The following SCN8A variants were observed in gnomAD, a reference collection of about 807,000 sequenced individuals.
SCN8A encodes sodium voltage-gated channel alpha subunit 8.
A neutral mutation model predicts 184.1 loss-of-function variants in SCN8A; 30 were observed. The observed-to-expected ratio is 0.16, with a 90% CI of 0.12 to 0.22. SCN8A has a LOEUF of 0.22. Among genes scored for constraint, SCN8A ranks in the 10% least tolerant of loss-of-function variants. The pLI, the probability that SCN8A is intolerant of heterozygous loss-of-function variation, is 1.00. For missense variants in SCN8A, 1,057 were observed against 2,498.9 expected (o/e 0.42, Z 12.30); for synonymous variants, 852 against 907.0 (o/e 0.94, Z 1.09).
At position 51,662,796 on chromosome 12, in the gene SCN8A, G is replaced by A. The variant is rs200853642; in HGVS notation, c.-22G>A. On this transcript the variant is annotated 5_prime_UTR_variant, in exon 2 of 27. Transcript: ENST00000627620. ...CTGTCCTGGACGCAGCATAACTAAC[G>A]AAGCTGCTGCAGGATGAGAAGATGG... 4 of 1,611,180 alleles carry A rather than the reference G, an allele frequency of 2.5e-6. No individual in the cohort carries two copies. In the African/African-American group the frequency reaches 4.0e-5, roughly 16 times the overall value.
At chr12:51,693,328 A>G (rs1442580405) in intron 6 of SCN8A, among the ~76,000 whole-genome samples, 1 of 152,218 alleles carries the variant, frequency 6.6e-6, no homozygotes, top group African/African-American at 2.4e-5. Context: ...AAGTGAAAAA[A>G]CACTAAATGC....
intron 22 of SCN8A, among the ~76,000 whole-genome samples, chr12:51,788,360 C>G (rs1451122650): frequency 7.1e-6 from 1 of 140,354 alleles, no homozygotes; most frequent in African/African-American, 2.7e-5. Flanking sequence ...ATGCTAAGTT[C>G]CAAGCATTTT....
chr12:51,682,797 G>A (rs1425314004), intron 2 of SCN8A, among the ~76,000 whole-genome samples: 4 of 152,056 alleles, frequency 2.6e-5, no homozygotes, highest in Admixed American at 6.5e-5. Flanking sequence ...TTGCAGTCTA[G>A]TAGGCCCTTG....
chr12:51,609,433 A>G (rs777293243), intron 1 of SCN8A, among the ~76,000 whole-genome samples: 1 of 152,118 alleles, frequency 6.6e-6, no homozygotes, highest in East Asian at 1.9e-4. Flanking sequence ...TATTAGGTCT[A>G]TTAGTAATTG....
chr12:51,717,678 A>T (rs1941988503), intron 11 of SCN8A, among the ~76,000 whole-genome samples: 1 of 152,204 alleles, frequency 6.6e-6, no homozygotes, highest in Admixed American at 6.5e-5. Context: ...CACACAGCGT[A>T]TGTGTCCTTT....
chr12:51,681,723 C>T (rs1224395776), intron 2 of SCN8A, among the ~76,000 whole-genome samples: 4 of 152,024 alleles, frequency 2.6e-5, no homozygotes, highest in South Asian at 2.1e-4. Flanking sequence ...GTGTAGTGGG[C>T]GTTTGTAGAA....
chr12:51,719,814 C>T (rs533742687), intron 11 of SCN8A, among the ~76,000 whole-genome samples: 6 of 152,272 alleles, frequency 3.9e-5, no homozygotes, highest in South Asian at 2.1e-4. Context: ...CGGTGGCTCA[C>T]GCCTGTAATC....
At chr12:51,778,461 G>A (rs1038831701) in intron 20 of SCN8A, among the ~76,000 whole-genome samples, 1 of 152,042 alleles carries the variant, frequency 6.6e-6, no homozygotes, top group Non-Finnish European at 1.5e-5. Context: ...ATTTATTTTT[G>A]TATTTTTAGT....
At chr12:51,595,228 A>G (rs1190746334) in intron 1 of SCN8A, among the ~76,000 whole-genome samples, 5 of 152,246 alleles carry the variant, frequency 3.3e-5, no homozygotes, top group African/African-American at 1.2e-4. Context: ...CGAAGGAAAC[A>G]GAACTCTTAC....
chr12:51,782,554 C>A (rs1466624391), intron 21 of SCN8A, among the ~76,000 whole-genome samples: 1 of 152,232 alleles, frequency 6.6e-6, no homozygotes, highest in East Asian at 1.9e-4. Flanking sequence ...TTACGGTGAT[C>A]CCTGATCTTC....
chr12:51,703,195 G>T (rs543958552), intron 9 of SCN8A, among the ~76,000 whole-genome samples: 1 of 152,008 alleles, frequency 6.6e-6, no homozygotes, highest in East Asian at 1.9e-4. Context: ...TTCATCCTCT[G>T]CAGCATATCT....
In SCN8A at chr12:51,806,244, C is replaced by A. The variant is rs303828; in HGVS notation, c.4796-38C>A. On this transcript the variant is annotated intron_variant, in intron 26 of 26. Coordinates refer to ENST00000627620, the MANE Select transcript of SCN8A (RefSeq NM_001330260.2). The surrounding 1 kb of genome is among the most constrained non-coding windows in gnomAD (Gnocchi z 8.7). Reference sequence around the variant, plus strand: ...AAAAATAAAGAGAAAGGGTGTCTCCCATCTCAATAACATAACTTCTTCTAT... The same window carrying A: ...AAAAATAAAGAGAAAGGGTGTCTCCAATCTCAATAACATAACTTCTTCTAT... The A allele has an allele frequency of 0.86, 1,284,949 of 1,488,824 alleles. 556,360 individuals are homozygous for A. Among genetic ancestry groups the A allele is most frequent in the East Asian group, 0.98 (42,781 of 43,560 alleles). The allele number at this position is 1,488,824 out of a possible 1,614,324, so 92.2% of individuals were successfully genotyped here.
intron 1 of SCN8A, among the ~76,000 whole-genome samples, chr12:51,599,352 AAG>A (rs749058501): frequency 2.0e-5 from 3 of 152,190 alleles, no homozygotes; most frequent in Non-Finnish European, 4.4e-5. Flanking sequence ...TTTTTTAGGA[AAG>A]AGAGAGCATT....
At chr12:51,731,985 G>A (rs1050188185) in intron 12 of SCN8A, among the ~76,000 whole-genome samples, 3 of 152,170 alleles carry the variant, frequency 2.0e-5, no homozygotes, top group Admixed American at 2.0e-4. Flanking sequence ...TTGTCAGATG[G>A]ATAGTTTTCA....
chr12:51,601,784 G>T (rs1266397531), intron 1 of SCN8A, among the ~76,000 whole-genome samples: 1 of 150,166 alleles, frequency 6.7e-6, no homozygotes, highest in Non-Finnish European at 1.5e-5. Context: ...AAATGGGGAT[G>T]TCACTTACAT....
At chr12:51,751,888 T>G (rs1565911028) in intron 14 of SCN8A, among the ~76,000 whole-genome samples, 3 of 152,162 alleles carry the variant, frequency 2.0e-5, no homozygotes, top group Admixed American at 6.5e-5. Flanking sequence ...CTGAGCCAAG[T>G]ACTTCTGGTT....
chr12:51,693,986 G>A (rs1592384157), intron 6 of SCN8A, among the ~76,000 whole-genome samples: 1 of 152,180 alleles, frequency 6.6e-6, no homozygotes, highest in East Asian at 1.9e-4. Context: ...AGGCTGGAGT[G>A]CAACGGCCTG....
intron 20 of SCN8A, among the ~76,000 whole-genome samples, chr12:51,774,760 G>A (rs908233598): frequency 2.6e-5 from 4 of 152,150 alleles, no homozygotes; most frequent in East Asian, 1.9e-4. Context: ...CTGTTGGGAC[G>A]AAGGTGGTAG....
At chr12:51,800,218 C>T (rs1007521765) in intron 26 of SCN8A, among the ~76,000 whole-genome samples, 5 of 152,246 alleles carry the variant, frequency 3.3e-5, no homozygotes, top group Non-Finnish European at 4.4e-5. Context: ...TTGCCAAATC[C>T]GTAGCTGCAT....
Sources: gnomAD v4.1 joint callset for allele counts (sites outside exome capture counted in the v4.1 genomes callset) on GRCh38, gnomAD v4.1.1 for gene constraint, Gnocchi (gnomAD v3.1) non-coding constraint, MANE v1.5 for transcripts, NCBI Gene and HGNC (gene_info 2026-07-23, HGNC 2026-07-21) for gene names.